TGM7: variants seen among roughly 807,000 people sequenced by gnomAD.
TGM7 encodes transglutaminase 7.
A neutral mutation model predicts 79.5 loss-of-function variants in TGM7; 74 were observed. The observed-to-expected ratio is 0.93, with a 90% CI of 0.77 to 1.13. The LOEUF is 1.13. Ranked by LOEUF, TGM7 falls within the 50% of genes most tolerant of loss-of-function variation. TGM7 has a pLI of 0.00. For synonymous variants in TGM7, 354 were observed against 362.5 expected, an observed-to-expected ratio of 0.98 and a Z score of 0.27; for missense variants, 912 against 905.9, an observed-to-expected ratio of 1.01 and a Z score of -0.09.
intron 1 of TGM7, among the ~76,000 whole-genome samples, chr15:43,293,940 G>A (rs958024133): frequency 6.8e-6 from 1 of 146,582 alleles, no homozygotes; most frequent in Non-Finnish European, 1.5e-5. Context: ...CGGGGGGATC[G>A]GCATGGGGAA....
At chr15:43,289,998 C>T (rs1477450820) in intron 4 of TGM7, among the ~76,000 whole-genome samples, 1 of 152,048 alleles carries the variant, frequency 6.6e-6, no homozygotes, top group Non-Finnish European at 1.5e-5. Flanking sequence ...TGAAAATTTT[C>T]TCCCATTCTG....
At chr15:43,285,970 CAG>C (rs1001868159) in intron 6 of TGM7, among the ~76,000 whole-genome samples, 10 of 152,146 alleles carry the variant, frequency 6.6e-5, no homozygotes, top group African/African-American at 2.4e-4. Flanking sequence ...ATGGTAAGTT[CAG>C]AGAGGTTTAT....
At chr15:43,288,501 T>A (rs775608927) in intron 4 of TGM7, among the ~76,000 whole-genome samples, 17 of 152,296 alleles carry the variant, frequency 1.1e-4, no homozygotes, top group Admixed American at 2.0e-4. Context: ...ACTATTCTTT[T>A]TTTTTTCCGT....
At chr15:43,286,962 G>C (rs1407606609) in intron 6 of TGM7, among the ~76,000 whole-genome samples, 2 of 152,190 alleles carry the variant, frequency 1.3e-5, no homozygotes, top group Admixed American at 1.3e-4. Flanking sequence ...CTCACCCTGA[G>C]CTGAGATGCC....
intron 1 of TGM7, 167 bp downstream of exon 1, chr15:43,302,074 T>A (rs1003094793): frequency 1.3e-6 from 1 of 759,596 alleles, no homozygotes; most frequent in Non-Finnish European, 2.3e-6. Context: ...TGCCCCAAGG[T>A]CCAAATGCAG....
At chr15:43,291,237 C>T (rs2042962147) in intron 4 of TGM7, among the ~76,000 whole-genome samples, 1 of 152,148 alleles carries the variant, frequency 6.6e-6, no homozygotes, top group Non-Finnish European at 1.5e-5. Context: ...AGATATGTCC[C>T]ATCAATACCT....
intron 8 of TGM7, among the ~76,000 whole-genome samples, 185 bp from the exon 9 acceptor site, chr15:43,282,271 C>G (rs1457266569): frequency 6.6e-6 from 1 of 152,196 alleles, no homozygotes; most frequent in Non-Finnish European, 1.5e-5. Flanking sequence ...TGGCAATGCT[C>G]ATCATCAGCT....
chr15:43,282,135 T>C, intron 8 of TGM7, 49 bp from the exon 9 acceptor site: 1 of 1,601,854 alleles, frequency 6.2e-7, no homozygotes, highest in Non-Finnish European at 8.5e-7. Flanking sequence ...CAGCTGGTTG[T>C]GGCTGTGGGA....
intron 1 of TGM7, among the ~76,000 whole-genome samples, chr15:43,300,819 A>G (rs2043021937): frequency 6.6e-6 from 1 of 152,286 alleles, no homozygotes; most frequent in South Asian, 2.1e-4. Flanking sequence ...ATATATGTGT[A>G]TATATATAAC....
At chr15:43,296,397 C>T (rs2042992635) in intron 1 of TGM7, among the ~76,000 whole-genome samples, 1 of 147,202 alleles carries the variant, frequency 6.8e-6, no homozygotes, top group Non-Finnish European at 1.5e-5. Flanking sequence ...TGCACTCCAG[C>T]CTGGGTGACA....
rs768206240 is a variant in TGM7, at chr15:43,279,222, G to A, written c.1734C>T (p.Asp578=). The change falls in exon 11 of 13, where the codon GAC becomes GAT. Residue 578 remains aspartate (D), a synonymous_variant. Coordinates refer to ENST00000452443, the MANE Select transcript of TGM7 (RefSeq NM_052955.3). ...PYSNYRNKLT[D]EKLIRVSGIA... ...TGCCAGACACGCGGATGAGCTTTTCGTCCGTTAGCTTGTTTCTGTAATTGC... is the reference window on the plus strand; with the variant it reads ...TGCCAGACACGCGGATGAGCTTTTCATCCGTTAGCTTGTTTCTGTAATTGC... 26 of 1,614,022 alleles carry A rather than the reference G, an allele frequency of 1.6e-5. No homozygotes were observed. The highest frequency in any genetic ancestry group is 5.3e-5 in the African/African-American group (4 of 74,906).
intron 7 of TGM7, 57 bp from the exon 8 acceptor site, chr15:43,282,677 C>A: frequency 7.4e-7 from 1 of 1,352,812 alleles, no homozygotes. Context: ...TGCCAGGTAC[C>A]AGGCACTATA....
At chr15:43,280,351 C>T (rs1236788074) in intron 9 of TGM7, among the ~76,000 whole-genome samples, 4 of 152,152 alleles carry the variant, frequency 2.6e-5, no homozygotes, top group African/African-American at 9.7e-5. Context: ...CGGCCAGGCG[C>T]AGTGGCTCAC....
chr15:43,299,493 C>T (rs2043016070), intron 1 of TGM7, among the ~76,000 whole-genome samples: 1 of 152,168 alleles, frequency 6.6e-6, no homozygotes, highest in African/African-American at 2.4e-5. Flanking sequence ...AAGGCCCCAG[C>T]TAGGGTGGAT....
intron 4 of TGM7, among the ~76,000 whole-genome samples, chr15:43,290,382 C>T (rs1364856666): frequency 1.3e-5 from 2 of 152,124 alleles, no homozygotes; most frequent in Non-Finnish European, 2.9e-5. Flanking sequence ...TGTAGATATG[C>T]AGCATTCTTT....
At chr15:43,298,538 C>T (rs979798496) in intron 1 of TGM7, among the ~76,000 whole-genome samples, 5 of 152,166 alleles carry the variant, frequency 3.3e-5, no homozygotes, top group Admixed American at 6.5e-5. Context: ...GGGCGGATCA[C>T]AAGGTCGAGA....
chr15:43,287,180 C>T (rs2042939344), intron 6 of TGM7, 100 bp downstream of exon 6: 1 of 1,410,260 alleles, frequency 7.1e-7, no homozygotes, highest in Non-Finnish European at 9.6e-7. Flanking sequence ...CCACCCCCAG[C>T]TGTGGGGCCA....
At chr15:43,285,945 C>G (rs915173251) in intron 6 of TGM7, among the ~76,000 whole-genome samples, 1 of 152,168 alleles carries the variant, frequency 6.6e-6, no homozygotes, top group African/African-American at 2.4e-5. Context: ...GACGTGGGTA[C>G]TGACATCAGC....
chr15:43,288,743 A>T lies in TGM7; in HGVS notation c.559-1074T>A, dbSNP rs191969759. Among the ~76,000 whole-genome samples, 7 of 152,268 alleles carry T rather than the reference A, an allele frequency of 4.6e-5. No homozygotes were observed. In the East Asian group the frequency reaches 1.4e-3, roughly 29 times the overall value. ...TCAGAAGTTCGAGACCAGCCTGGCC[A>T]ACACGGTGAAACCCCGTCTCTACTA... On this transcript the variant is annotated intron_variant, in intron 4 of 12. Coordinates refer to ENST00000452443, the MANE Select transcript of TGM7 (RefSeq NM_052955.3).
Sources: allele counts gnomAD v4.1 joint callset (sites outside exome capture counted in the v4.1 genomes callset), GRCh38; gene constraint gnomAD v4.1.1; transcripts MANE v1.5; gene names NCBI Gene and HGNC (gene_info 2026-07-23, HGNC 2026-07-21).